Variants in CNEP1R1 observed in about 807,000 individuals in gnomAD.
CNEP1R1 encodes the protein CTD nuclear envelope phosphatase 1 regulatory subunit 1.
A neutral mutation model predicts 22.7 loss-of-function variants in CNEP1R1; 10 were observed. The observed-to-expected ratio is 0.44, with a 90% CI of 0.27 to 0.75. The LOEUF (loss-of-function observed/expected upper bound fraction) is 0.75. Among genes scored for constraint, CNEP1R1 ranks in the 30% least tolerant of loss-of-function variants. CNEP1R1 has a pLI of 0.17. For missense variants in CNEP1R1, 73 were observed against 151.5 expected (o/e 0.48, Z 2.72); for synonymous variants, 53 against 50.1 (o/e 1.06, Z -0.25).
chr16:50,033,188 GCTA>G (rs1389436197), intron 3 of CNEP1R1, among the ~76,000 whole-genome samples: 3 of 152,086 alleles, frequency 2.0e-5, no homozygotes, highest in Non-Finnish European at 4.4e-5. Flanking sequence ...AGGGAATACT[GCTA>G]TATTTATCTT....
chr16:50,031,813 C>G (rs2036233469), intron 3 of CNEP1R1, among the ~76,000 whole-genome samples: 1 of 152,136 alleles, frequency 6.6e-6, no homozygotes, highest in Non-Finnish European at 1.5e-5. Context: ...CAGGAAGTAC[C>G]TGACTGCCTG....
chr16:50,025,588 A>G (rs1162087047), intron 1 of CNEP1R1: 2 of 1,467,210 alleles, frequency 1.4e-6, no homozygotes, highest in African/African-American at 2.8e-5. Flanking sequence ...TTTTCTTTTC[A>G]CTGGCAGACA....
chr16:50,025,310 C>A lies in CNEP1R1; in HGVS notation c.-6C>A. ...GCAGCGGCGGTGACCCGAGCTGCCG[C>A]CCGACATGAACTCGCTGGAGCAGGC... On this transcript the variant is annotated 5_prime_UTR_variant, in exon 1 of 6. Transcript: ENST00000427478. 2.1e-6 allele frequency: 3 copies of A among 1,430,524 alleles called. No homozygotes were observed. Among genetic ancestry groups the A allele is most frequent in the African/African-American group, 1.5e-5 (1 of 67,358 alleles). The allele number at this position is 1,430,524 out of a possible 1,614,324, so 88.6% of individuals were successfully genotyped here.
At chr16:50,027,552 C>T (rs904881546) in intron 2 of CNEP1R1, among the ~76,000 whole-genome samples, 1 of 151,406 alleles carries the variant, frequency 6.6e-6, no homozygotes, top group Non-Finnish European at 1.5e-5. Context: ...TGGCACACCC[C>T]GAGGTCCCAG....
In CNEP1R1 at chr16:50,030,068, T is replaced by G. The variant is rs116978949; in HGVS notation, c.171+270T>G. ...TCATTCACTTCTGAATTTATCATTT[T>G]TACATTTTTTTTATATCTCTCATTT... On this transcript the variant is annotated intron_variant, in intron 3 of 5. Coordinates refer to ENST00000427478, the MANE Select transcript of CNEP1R1 (RefSeq NM_001281789.2). Among the ~76,000 whole-genome samples, 101 of 152,346 alleles carry G rather than the reference T, an allele frequency of 6.6e-4. No homozygotes were observed. The East Asian group carries it at 0.018, about 28-fold the overall frequency.
intron 5 of CNEP1R1, 174 bp downstream of exon 5, chr16:50,034,330 G>C (rs2036258002): frequency 3.5e-6 from 2 of 573,936 alleles, no homozygotes; most frequent in East Asian, 6.0e-5. Context: ...TTGGCATTGA[G>C]ATCCATCTTA....
At chr16:50,034,384 C>A (rs1597119754) in intron 5 of CNEP1R1, 2 of 512,456 alleles carry the variant, frequency 3.9e-6, no homozygotes, top group East Asian at 6.9e-5. Context: ...ACAATTTAAT[C>A]TTTCTTAATG....
In CNEP1R1 at chr16:50,025,359, GCC is replaced by G; in HGVS notation, c.25+21_25+22del. On this transcript the variant is annotated intron_variant, in intron 1 of 5. Transcript: ENST00000427478. ...GCGGAAGGTAGGGTGGGCCGCCCGG[GCC>G]CGTCCCCCGTCTCCCCTCGGAAGCT... The G allele has an allele frequency of 7.0e-7, 1 of 1,436,820 alleles. No homozygotes were observed. The highest frequency in any genetic ancestry group is 9.1e-7 in the Non-Finnish European group (1 of 1,099,230). 89.0% of individuals were successfully genotyped at this position (1,436,820 alleles called of 1,614,324 possible). A position where few individuals can be genotyped will look rare whatever the true frequency, so the allele number is the denominator to read the frequency against.
At chr16:50,035,346 G>A (rs1236183573) in intron 5 of CNEP1R1, 71 bp from the exon 6 acceptor site, 2 of 853,936 alleles carry the variant, frequency 2.3e-6, no homozygotes, top group Non-Finnish European at 3.9e-6. Flanking sequence ...ACCCTTTAAG[G>A]TTTATAAATA....
At chr16:50,034,907 A>G (rs1442174559) in intron 5 of CNEP1R1, among the ~76,000 whole-genome samples, 2 of 152,166 alleles carry the variant, frequency 1.3e-5, no homozygotes, top group African/African-American at 4.8e-5. Flanking sequence ...CTTTAAGTAA[A>G]TTAAAAACTA....
In CNEP1R1 at chr16:50,026,463, G is replaced by T. The variant is rs1287864591; in HGVS notation, c.93G>T (p.Trp31Cys). The change falls in exon 2 of 6, where the codon TGG (tryptophan) becomes TGT (cysteine). Residue 31 changes from tryptophan (W) to cysteine (C), a missense_variant. By Grantham distance (215) the Trp-to-Cys change is radical. Transcript: ENST00000427478. ...GTTTGCAACCTGCTACTGGACGCTG[G>T]AGAAGTAAGTTCCTGAATGTTATTT... ...IHCLQPATGR[W>C]RMLLIVVSVC... 6.2e-7 allele frequency: 1 copy of T among 1,606,620 alleles called. No homozygotes were observed. The highest frequency in any genetic ancestry group is 8.5e-7 in the Non-Finnish European group (1 of 1,175,570).
intron 1 of CNEP1R1, chr16:50,025,639 T>A: frequency 6.2e-7 from 1 of 1,612,990 alleles, no homozygotes; most frequent in Non-Finnish European, 8.5e-7. Context: ...TCATTTCATT[T>A]CATTCTCACA....
At chr16:50,027,501 C>G (rs1414175520) in intron 2 of CNEP1R1, among the ~76,000 whole-genome samples, 2 of 111,564 alleles carry the variant, frequency 1.8e-5, no homozygotes, top group Non-Finnish European at 3.9e-5. Flanking sequence ...GAGCGAGACT[C>G]TGTCTCAAAA....
At chr16:50,028,699 T>G (rs2036207503) in intron 2 of CNEP1R1, among the ~76,000 whole-genome samples, 1 of 152,188 alleles carries the variant, frequency 6.6e-6, no homozygotes. Context: ...ATAAAGCATG[T>G]GTATGAGGTC....
At chr16:50,032,533 A>C (rs569285459) in intron 3 of CNEP1R1, among the ~76,000 whole-genome samples, 1 of 152,296 alleles carries the variant, frequency 6.6e-6, no homozygotes, top group African/African-American at 2.4e-5. Context: ...TTGCCTCTGC[A>C]GGGAGGAAGG....
Position 50,026,384 on chromosome 16 carries a change from C to G in CNEP1R1, c.26-12C>G. 1 of 1,594,394 alleles carries G rather than the reference C, an allele frequency of 6.3e-7. No individual in the cohort carries two copies. The highest frequency in any genetic ancestry group is 8.6e-7 in the Non-Finnish European group (1 of 1,167,048). On this transcript the variant is annotated splice_polypyrimidine_tract_variant and intron_variant, in intron 1 of 5. Coordinates refer to ENST00000427478, the MANE Select transcript of CNEP1R1 (RefSeq NM_001281789.2). Reference sequence around the variant, plus strand: ...GAGTGGCTAATTAGAAAATTGACATCTTTATACCTAGATCTCAAGGCTTTT... The same window carrying G: ...GAGTGGCTAATTAGAAAATTGACATGTTTATACCTAGATCTCAAGGCTTTT...
chr16:50,028,378 C>CA (rs1281294854), intron 2 of CNEP1R1, among the ~76,000 whole-genome samples: 2 of 152,038 alleles, frequency 1.3e-5, no homozygotes, highest in African/African-American at 4.8e-5. Flanking sequence ...TTTGCTGGAC[C>CA]AAAAAAGCAC....
rs188908128 is a variant in CNEP1R1, at chr16:50,025,531, T to C, written c.25+191T>C. On this transcript the variant is annotated intron_variant, in intron 1 of 5. Coordinates refer to ENST00000427478, the MANE Select transcript of CNEP1R1 (RefSeq NM_001281789.2). ...GGGGGCGGTGCCTCAGCTCCCTGAG[T>C]CCCCACAAACCTAGAGGGTCGACCT... is the stretch of plus-strand genomic sequence containing the variant. 6.0e-4 allele frequency: 668 copies of C among 1,120,788 alleles called. 3 individuals carry two copies. The African/African-American group carries it at 9.5e-3, about 16-fold the overall frequency. 69.4% of individuals were successfully genotyped at this position (1,120,788 alleles called of 1,614,324 possible). A position where few individuals can be genotyped will look rare whatever the true frequency, so the allele number is the denominator to read the frequency against.
chr16:50,026,966 C>A (rs2036189966), intron 2 of CNEP1R1: 1 of 152,000 alleles, frequency 6.6e-6, no homozygotes, highest in Non-Finnish European at 1.5e-5. Context: ...AGAGTAAAAC[C>A]CGGTCTCAAT....
Sources: allele counts gnomAD v4.1 joint callset (sites outside exome capture counted in the v4.1 genomes callset), GRCh38; gene constraint gnomAD v4.1.1; transcripts MANE v1.5; gene names NCBI Gene and HGNC (gene_info 2026-07-23, HGNC 2026-07-21).